The following SSH2 variants were observed in gnomAD, a reference collection of about 807,000 sequenced individuals.
The protein encoded by SSH2 is protein phosphatase Slingshot homolog 2.
Under a neutral mutation model 135.2 loss-of-function variants are expected in SSH2, and 37 were observed. That is an observed-to-expected ratio of 0.27 (90% CI 0.21 to 0.36). The LOEUF (loss-of-function observed/expected upper bound fraction) is 0.36. SSH2 is among the 10% of genes least tolerant of loss of function. The pLI, the probability that SSH2 is intolerant of heterozygous loss-of-function variation, is 1.00. For missense variants in SSH2, 1,408 were observed against 1,765.3 expected, an observed-to-expected ratio of 0.80 and a Z score of 3.63; for synonymous variants, 628 against 646.2, an observed-to-expected ratio of 0.97 and a Z score of 0.43.
intron 3 of SSH2, chr17:29,787,745 T>G (rs2041994857): frequency 6.6e-6 from 1 of 152,184 alleles, no homozygotes; most frequent in African/African-American, 2.4e-5. Context: ...TTTTTTTTTT[T>G]TTAAGAGACA....
chr17:29,694,604 G>A (rs1266249655), intron 5 of SSH2, among the ~76,000 whole-genome samples: 1 of 152,184 alleles, frequency 6.6e-6, no homozygotes, highest in Admixed American at 6.5e-5. Context: ...GGGAGGTGGA[G>A]GTTGCAGTGA....
At chr17:29,861,381 C>G (rs927768694) in intron 1 of SSH2, among the ~76,000 whole-genome samples, 24 of 152,102 alleles carry the variant, frequency 1.6e-4, no homozygotes, top group Admixed American at 6.5e-5. Context: ...ACTTTAACAG[C>G]CTTTGTGACT....
At chr17:29,822,953 T>C (rs1054306236) in intron 2 of SSH2, among the ~76,000 whole-genome samples, 3 of 152,208 alleles carry the variant, frequency 2.0e-5, no homozygotes, top group Non-Finnish European at 4.4e-5. Context: ...GGGATAGCAG[T>C]GTGCCTGATA....
chr17:29,915,774 TA>T (rs984825292), intron 1 of SSH2, among the ~76,000 whole-genome samples: 4 of 150,530 alleles, frequency 2.7e-5, no homozygotes, highest in Non-Finnish European at 5.9e-5. Flanking sequence ...ATTCTCTAAT[TA>T]AAAAAAAATG....
chr17:29,757,538 A>G (rs969661704), intron 3 of SSH2, among the ~76,000 whole-genome samples: 3 of 152,036 alleles, frequency 2.0e-5, no homozygotes, highest in African/African-American at 7.2e-5. Flanking sequence ...CATGACCTCT[A>G]AAGTAATACT....
At chr17:29,787,760 C>CT (rs1308964789) in intron 3 of SSH2, 1 of 148,848 alleles carries the variant, frequency 6.7e-6, no homozygotes, top group Non-Finnish European at 1.5e-5. Flanking sequence ...GAGACAGGGT[C>CT]TTGTACTGTT....
intron 2 of SSH2, among the ~76,000 whole-genome samples, chr17:29,813,508 A>G (rs564097758): frequency 1.1e-4 from 17 of 151,926 alleles, no homozygotes; most frequent in African/African-American, 3.9e-4. Context: ...ATGCTGTACT[A>G]TATTTTCCCT....
chr17:29,705,686 T>G (rs1235513883), intron 3 of SSH2, among the ~76,000 whole-genome samples: 1 of 152,226 alleles, frequency 6.6e-6, no homozygotes, highest in Non-Finnish European at 1.5e-5. Context: ...CCTCTGATCT[T>G]GTATCATCTC....
intron 4 of SSH2, among the ~76,000 whole-genome samples, chr17:29,702,262 A>T (rs550371849): frequency 6.6e-6 from 1 of 151,814 alleles, no homozygotes; most frequent in East Asian, 1.9e-4. Context: ...TTGAGGCAGG[A>T]GAATTGCTTG....
intron 6 of SSH2, among the ~76,000 whole-genome samples, chr17:29,683,768 A>G (rs2038085770): frequency 6.6e-6 from 1 of 151,578 alleles, no homozygotes; most frequent in Admixed American, 6.6e-5. Context: ...CTCCAGAAAA[A>G]TAAGGAAAAA....
Position 29,913,347 on chromosome 17 carries a change from A to AAAAAATTATATAT in SSH2, c.63+16590_63+16591insATATATAATTTTT. Among the ~76,000 whole-genome samples, 21 of 28,780 alleles carry AAAAAATTATATAT rather than the reference A, an allele frequency of 7.3e-4. 1 individual carries two copies. Among genetic ancestry groups the AAAAAATTATATAT allele is most frequent in the East Asian group, 2.2e-3 (1 of 450 alleles). 18.9% of individuals were successfully genotyped at this position (28,780 alleles called of 152,430 possible). A position where few individuals can be genotyped will look rare whatever the true frequency, so the allele number is the denominator to read the frequency against. ...AAAAAAAAAAAAAAAAAAAAAAAAA[A>AAAAAATTATATAT]ATATATATATATATATATATATATA... On this transcript the variant is annotated intron_variant, in intron 1 of 15. Coordinates refer to ENST00000540801, the MANE Select transcript of SSH2 (RefSeq NM_001282129.2).
intron 1 of SSH2, among the ~76,000 whole-genome samples, chr17:29,888,685 G>A (rs2066286089): frequency 6.6e-6 from 1 of 151,744 alleles, no homozygotes; most frequent in Non-Finnish European, 1.5e-5. Context: ...TGTAATCCCA[G>A]CCCTTTGAGA....
At chr17:29,706,995 T>TA (rs1399902991) in intron 3 of SSH2, 3 of 152,120 alleles carry the variant, frequency 2.0e-5, no homozygotes, top group African/African-American at 7.2e-5. Flanking sequence ...CTACTAAAAA[T>TA]ACAAAAAAAT....
chr17:29,850,114 T>G (rs1454050904), intron 1 of SSH2, among the ~76,000 whole-genome samples: 1 of 151,612 alleles, frequency 6.6e-6, no homozygotes, highest in Admixed American at 6.6e-5. Flanking sequence ...TAAAACCTTT[T>G]CTTCTGTTCT....
Position 29,725,860 on chromosome 17 carries a change from A to G in SSH2, c.189-22798T>C, listed in dbSNP as rs140428467. Among the ~76,000 whole-genome samples the G allele has an allele frequency of 5.4e-3, 819 of 152,282 alleles. 8 individuals carry two copies. Among genetic ancestry groups the G allele is most frequent in the African/African-American group, 0.019 (774 of 41,522 alleles). ...CAGCAAACCACCATGGCACATGTAT[A>G]CCTATGTAAGAAACCTGCATGTTCT... On this transcript the variant is annotated intron_variant, in intron 3 of 15. Coordinates refer to ENST00000540801, the MANE Select transcript of SSH2 (RefSeq NM_001282129.2).
rs2035559695 is a variant in SSH2 at position 29,628,390 on chromosome 17, A to G, written c.*2451T>C. The G allele has an allele frequency of 6.6e-6, 1 of 152,204 alleles. No homozygotes were observed. The highest frequency in any genetic ancestry group is 1.5e-5 in the Non-Finnish European group (1 of 68,038). The allele number at this position is 152,204 out of a possible 1,614,324, so 9.4% of individuals were successfully genotyped here. A position where few individuals can be genotyped will look rare whatever the true frequency, so the allele number is the denominator to read the frequency against. ...TTGTTATTTAATGCAGTGAGTGAAC[A>G]TTAAACACAGTGGAGGGGAGAAGAG... On this transcript the variant is annotated 3_prime_UTR_variant, in exon 16 of 16. Transcript: ENST00000540801.
intron 1 of SSH2, among the ~76,000 whole-genome samples, chr17:29,913,347 A>AAAAAAAAAAATTAT: frequency 6.9e-5 from 2 of 28,778 alleles, no homozygotes; most frequent in Non-Finnish European, 1.2e-4. Context: ...AAAAAAAAAA[A>AAAAAAAAAAATTAT]ATATATATAT....
At chr17:29,650,910 T>A in intron 12 of SSH2, 110 bp from the exon 13 acceptor site, 1 of 862,034 alleles carries the variant, frequency 1.2e-6, no homozygotes, top group South Asian at 2.8e-5. Flanking sequence ...TGAAATTAAA[T>A]ACAAAAATAA....
intron 12 of SSH2, among the ~76,000 whole-genome samples, chr17:29,654,746 C>T (rs774630607): frequency 6.6e-6 from 1 of 152,200 alleles, no homozygotes; most frequent in Non-Finnish European, 1.5e-5. Context: ...AATAACCATG[C>T]TGCTTAGGGA....
Sources: gnomAD v4.1 joint callset for allele counts (sites outside exome capture counted in the v4.1 genomes callset) on GRCh38, gnomAD v4.1.1 for gene constraint, MANE v1.5 for transcripts, NCBI Gene and HGNC (gene_info 2026-07-23, HGNC 2026-07-21) for gene names.